MRO: variants seen among roughly 807,000 people sequenced by gnomAD.
MRO encodes the protein maestro.
In MRO, 28 loss-of-function variants were observed where a neutral mutation model predicts 31.0. That is an observed-to-expected ratio of 0.90 (90% confidence interval 0.67 to 1.24). The LOEUF (loss-of-function observed/expected upper bound fraction) is 1.24. Ranked by LOEUF, MRO falls within the 50% of genes most tolerant of loss-of-function variation. The pLI is 0.00. For missense variants in MRO, 332 were observed against 289.2 expected (o/e 1.15, Z -1.07); for synonymous variants, 108 against 108.4 (o/e 1.00, Z 0.02).
At position 50,813,216 on chromosome 18, in the gene MRO, C is replaced by G. The variant is rs377527057; in HGVS notation, c.-4-3812G>C. Among the ~76,000 whole-genome samples, 9 of 152,288 alleles carry G rather than the reference C, an allele frequency of 5.9e-5. No individual in the cohort carries two copies. In the East Asian group the frequency reaches 1.7e-3, roughly 29 times the overall value. On this transcript the variant is annotated intron_variant, in intron 2 of 7. Coordinates refer to ENST00000398439, the MANE Select transcript of MRO (RefSeq NM_031939.6). ...TTCTGGAGAGGTCCATGAAAACACTCCCTCACCGCCTAACTTCCAGGACCT... is the reference window on the plus strand; with the variant it reads ...TTCTGGAGAGGTCCATGAAAACACTGCCTCACCGCCTAACTTCCAGGACCT...
upstream of MRO, chr18:50,824,269 C>T (rs1915417983): frequency 6.6e-6 from 1 of 151,962 alleles, no homozygotes. Flanking sequence ...ACCCCCATCT[C>T]TATAGTTAAA....
At chr18:50,815,268 G>A in intron 2 of MRO, 1 of 256,406 alleles carries the variant, frequency 3.9e-6, no homozygotes, top group South Asian at 5.5e-5. Flanking sequence ...GGTCATGGAA[G>A]TGGATCTGGC....
rs911684244 is a variant in MRO, at chr18:50,801,468, A to G, written c.466T>C (p.Phe156Leu). The G allele has an allele frequency of 1.2e-6, 2 of 1,611,736 alleles. No individual in the cohort carries two copies. Among genetic ancestry groups the G allele is most frequent in the African/African-American group, 1.3e-5 (1 of 74,984 alleles). ...DSLRYSAFVL[F>L]GQLAAFAGRK... Reference sequence around the variant, plus strand: ...CCGGCAAAGGCAGCCAATTGCCCAAACAAAACAAAGGCCGAGTATCTCAGA... The same window carrying G: ...CCGGCAAAGGCAGCCAATTGCCCAAGCAAAACAAAGGCCGAGTATCTCAGA... The change falls in exon 6 of 8, where the codon TTT becomes CTT. Residue 156 changes from phenylalanine to leucine, a missense_variant. Coordinates refer to ENST00000398439, the MANE Select transcript of MRO (RefSeq NM_031939.6).
rs1912833835 is a variant in MRO, at chr18:50,796,857, G to T, written c.*2480C>A. Reference sequence around the variant, plus strand: ...CTTAATCACATGGCCAGGCTCTGTGGTAGGTATGGTGAGAAACAGAAACAA... The same window carrying T: ...CTTAATCACATGGCCAGGCTCTGTGTTAGGTATGGTGAGAAACAGAAACAA... On this transcript the variant is annotated 3_prime_UTR_variant, in exon 8 of 8. Transcript: ENST00000398439. The T allele has an allele frequency of 6.6e-6, 1 of 152,168 alleles. No homozygotes were observed. The highest frequency in any genetic ancestry group is 2.4e-5 in the African/African-American group (1 of 41,432). 9.4% of individuals were successfully genotyped at this position (152,168 alleles called of 1,614,324 possible).
At chr18:50,819,749 G>A (rs1334398933) in intron 1 of MRO, 47 bp from the exon 2 acceptor site, 1 of 1,548,404 alleles carries the variant, frequency 6.5e-7, no homozygotes, top group Admixed American at 2.0e-5. Flanking sequence ...GGTCTGTCCA[G>A]GATAACGGGT....
chr18:50,804,266 G>A (rs1181429851), intron 5 of MRO, among the ~76,000 whole-genome samples: 2 of 152,154 alleles, frequency 1.3e-5, no homozygotes, highest in African/African-American at 2.4e-5. Flanking sequence ...TTATAAGACA[G>A]CATTGACTAC....
intron 3 of MRO, 75 bp from the exon 4 acceptor site, chr18:50,806,925 C>G: frequency 6.9e-7 from 1 of 1,457,844 alleles, no homozygotes. Flanking sequence ...ATCTCTCCCT[C>G]TAAAGAAAAT....
chr18:50,817,892 G>T (rs1322211681), intron 2 of MRO, among the ~76,000 whole-genome samples: 1 of 152,078 alleles, frequency 6.6e-6, no homozygotes, highest in Non-Finnish European at 1.5e-5. Context: ...TCAGTTAAAA[G>T]TTTCATTAAA....
At chr18:50,802,290 T>C (rs1165381192) in intron 5 of MRO, among the ~76,000 whole-genome samples, 1 of 152,110 alleles carries the variant, frequency 6.6e-6, no homozygotes, top group Non-Finnish European at 1.5e-5. Context: ...CCCTCCCACC[T>C]CTCCCTGCTT....
At chr18:50,801,879 G>A (rs780063854) in intron 5 of MRO, among the ~76,000 whole-genome samples, 2 of 152,092 alleles carry the variant, frequency 1.3e-5, no homozygotes, top group Non-Finnish European at 2.9e-5. Context: ...AAGCTTTACA[G>A]GAAAAGTAGG....
At chr18:50,820,232 T>C (rs1915253283), upstream of MRO, among the ~76,000 whole-genome samples, 2 of 152,216 alleles carry the variant, frequency 1.3e-5, no homozygotes, top group Non-Finnish European at 2.9e-5. Context: ...TCGTGGCTGA[T>C]TGTTGCACCA....
upstream of MRO, among the ~76,000 whole-genome samples, chr18:50,821,279 GGGTTA>G (rs1915292399): frequency 3.9e-5 from 6 of 152,146 alleles, no homozygotes; most frequent in African/African-American, 1.2e-4. Flanking sequence ...ACGAGGGAAA[GGGTTA>G]GCTCTGGAGG....
intron 6 of MRO, 121 bp downstream of exon 6, chr18:50,801,228 A>G: frequency 1.2e-6 from 1 of 812,350 alleles, no homozygotes; most frequent in East Asian, 2.5e-5. Flanking sequence ...GCACACAGAA[A>G]CGCTGCTAAG....
chr18:50,809,060 C>A (rs1201183183), intron 3 of MRO, among the ~76,000 whole-genome samples: 1 of 147,656 alleles, frequency 6.8e-6, no homozygotes, highest in Non-Finnish European at 1.5e-5. Flanking sequence ...ATGGCGTGAA[C>A]CCGGGAAGTG....
At chr18:50,800,906 A>C (rs1354892000) in intron 6 of MRO, among the ~76,000 whole-genome samples, 1 of 151,696 alleles carries the variant, frequency 6.6e-6, no homozygotes, top group South Asian at 2.1e-4. Flanking sequence ...AAAGAAAGAA[A>C]GAACGAAGGA....
At chr18:50,812,856 A>C (rs1233802380) in intron 2 of MRO, among the ~76,000 whole-genome samples, 1 of 152,150 alleles carries the variant, frequency 6.6e-6, no homozygotes, top group Non-Finnish European at 1.5e-5. Flanking sequence ...TAAGTCTGCC[A>C]TTATCTCTGG....
At chr18:50,805,949 G>A (rs895265408) in intron 4 of MRO, among the ~76,000 whole-genome samples, 4 of 151,604 alleles carry the variant, frequency 2.6e-5, no homozygotes, top group African/African-American at 4.8e-5. Flanking sequence ...ACTTTACATT[G>A]CATAAGACTC....
chr18:50,809,173 A>AAAAAAAAAAAAAAAAG (rs1914239397), intron 3 of MRO, 129 bp downstream of exon 3: 1 of 380,620 alleles, frequency 2.6e-6, no homozygotes, highest in Non-Finnish European at 4.7e-6. Flanking sequence ...AAAAAAAAAA[A>AAAAAAAAAAAAAAAAG]CTGTCATCAA....
rs1249451338 is a variant in MRO at position 50,806,638 on chromosome 18, G to GA, written c.246+65dup. ...AACAGACACCATACTCCAGCCCTGG[G>GA]AGTCTCCACACCAAGGTGGTTGGAG... On this transcript the variant is annotated intron_variant, in intron 4 of 7. Coordinates refer to ENST00000398439, the MANE Select transcript of MRO (RefSeq NM_031939.6). The GA allele has an allele frequency of 8.2e-6, 13 of 1,588,876 alleles. No individual in the cohort carries two copies. In the African/African-American group the frequency reaches 1.6e-4, roughly 20 times the overall value.
Sources: gnomAD v4.1 joint callset for allele counts (sites outside exome capture counted in the v4.1 genomes callset) on GRCh38, gnomAD v4.1.1 for gene constraint, MANE v1.5 for transcripts, NCBI Gene and HGNC (gene_info 2026-07-23, HGNC 2026-07-21) for gene names.